The following NDUFAF2 variants were observed in gnomAD, a reference collection of about 807,000 sequenced individuals.
The protein encoded by NDUFAF2 is NADH dehydrogenase [ubiquinone] 1 alpha subcomplex assembly factor 2.
In NDUFAF2, 13 loss-of-function variants were observed where a neutral mutation model predicts 22.8. The ratio of observed to expected loss-of-function variants is 0.57; its 90% CI spans 0.37 to 0.91. NDUFAF2 has a LOEUF of 0.91. Among genes scored for constraint, NDUFAF2 ranks in the 40% least tolerant of loss-of-function variants. The probability of loss-of-function intolerance (pLI) is 0.01; values close to 1 mark genes in which losing one functional copy is unlikely to be tolerated. For missense variants in NDUFAF2, 162 were observed against 195.2 expected (o/e 0.83, Z 1.01); for synonymous variants, 53 against 64.2 (o/e 0.83, Z 0.84).
At chr5:61,039,143 CAAAAA>C (rs36065069) in intron 1 of NDUFAF2, among the ~76,000 whole-genome samples, 1 of 82,524 alleles carries the variant, frequency 1.2e-5, no homozygotes, top group Non-Finnish European at 2.4e-5. Context: ...GCTGACAGGC[CAAAAA>C]AAAAAAAAAA....
At chr5:61,134,186 C>A (rs1753146403) in intron 3 of NDUFAF2, among the ~76,000 whole-genome samples, 1 of 151,816 alleles carries the variant, frequency 6.6e-6, no homozygotes, top group Admixed American at 6.6e-5. Flanking sequence ...GTTGATAGTA[C>A]CTTTTATGTA....
chr5:61,011,238 A>G (rs1751439177), intron 1 of NDUFAF2, among the ~76,000 whole-genome samples: 1 of 152,132 alleles, frequency 6.6e-6, no homozygotes, highest in Non-Finnish European at 1.5e-5. Flanking sequence ...GTTAGGAGGC[A>G]GAGCTCTCCC....
At chr5:60,958,059 A>G (rs917202405) in intron 1 of NDUFAF2, among the ~76,000 whole-genome samples, 1 of 152,132 alleles carries the variant, frequency 6.6e-6, no homozygotes, top group Non-Finnish European at 1.5e-5. Flanking sequence ...GGAAAACTAT[A>G]TTGATTCTTT....
chr5:60,988,273 T>TA (rs1244885868), intron 1 of NDUFAF2, among the ~76,000 whole-genome samples: 4 of 152,072 alleles, frequency 2.6e-5, no homozygotes, highest in Admixed American at 2.6e-4. Flanking sequence ...TCAAAGAAAT[T>TA]AGAGATGATA....
intron 3 of NDUFAF2, among the ~76,000 whole-genome samples, chr5:61,147,221 T>C (rs1741152205): frequency 6.6e-6 from 1 of 151,838 alleles, no homozygotes; most frequent in South Asian, 2.1e-4. Context: ...GGAGGGCCAT[T>C]AATTGACATG....
intron 1 of NDUFAF2, among the ~76,000 whole-genome samples, chr5:61,058,589 C>A (rs2111711024): frequency 6.6e-6 from 1 of 152,044 alleles, no homozygotes; most frequent in South Asian, 2.1e-4. Flanking sequence ...AAAAAATTTT[C>A]ATCCCCGCCT....
chr5:61,141,090 G>T (rs1161227716), intron 3 of NDUFAF2, among the ~76,000 whole-genome samples: 1 of 152,042 alleles, frequency 6.6e-6, no homozygotes, highest in African/African-American at 2.4e-5. Flanking sequence ...AGCCGGACGT[G>T]GTGGCACATG....
At chr5:61,020,545 TTA>T (rs1369373202) in intron 1 of NDUFAF2, among the ~76,000 whole-genome samples, 2 of 114,236 alleles carry the variant, frequency 1.8e-5, no homozygotes, top group Non-Finnish European at 3.8e-5. Context: ...GTGGGTTTTG[TTA>T]TGTGTGTGTG....
chr5:61,024,278 C>A (rs970897890), intron 1 of NDUFAF2, among the ~76,000 whole-genome samples: 1 of 151,916 alleles, frequency 6.6e-6, no homozygotes, highest in African/African-American at 2.4e-5. Context: ...TCTTTTCCCT[C>A]CAGTGCGTTT....
At chr5:61,097,909 A>G (rs1160839834) in intron 2 of NDUFAF2, among the ~76,000 whole-genome samples, 2 of 152,162 alleles carry the variant, frequency 1.3e-5, no homozygotes, top group Non-Finnish European at 2.9e-5. Flanking sequence ...AATTCATTTT[A>G]TTTCTATTTC....
intron 3 of NDUFAF2, chr5:61,115,072 G>A (rs11744226): frequency 0.11 from 16,211 of 152,238 alleles, 1,078 homozygotes; most frequent in South Asian, 0.22. Context: ...AGAACCTTAG[G>A]AATCTATCTG....
chr5:61,104,014 C>T (rs983400777), intron 3 of NDUFAF2, among the ~76,000 whole-genome samples: 11 of 152,050 alleles, frequency 7.2e-5, no homozygotes, highest in East Asian at 1.9e-4. Context: ...CTAATGTAAG[C>T]GTTCTGAGCA....
At chr5:61,012,040 T>C (rs1251427879) in intron 1 of NDUFAF2, among the ~76,000 whole-genome samples, 1 of 152,192 alleles carries the variant, frequency 6.6e-6, no homozygotes, top group Non-Finnish European at 1.5e-5. Context: ...AATTAACGTC[T>C]TTAAAGCTTT....
Position 61,018,416 on chromosome 5 carries a change from A to G in NDUFAF2, c.128-54709A>G, listed in dbSNP as rs920494977. 2.0e-5 allele frequency among the ~76,000 whole-genome samples: 3 copies of G among 152,336 alleles called. No individual in the cohort carries two copies. In the South Asian group the frequency reaches 6.2e-4, roughly 32 times the overall value. On this transcript the variant is annotated intron_variant, in intron 1 of 3. Coordinates refer to ENST00000296597, the MANE Select transcript of NDUFAF2 (RefSeq NM_174889.5). ...TCATTATATTCTGAATTTCACAAAA[A>G]TTAAGGAAACAGTCTTCCAATATTC... is the stretch of plus-strand genomic sequence containing the variant.
chr5:61,103,842 T>C (rs1561565893), intron 3 of NDUFAF2, among the ~76,000 whole-genome samples: 2 of 152,110 alleles, frequency 1.3e-5, no homozygotes, highest in Non-Finnish European at 2.9e-5. Flanking sequence ...AACTTCATGA[T>C]GGTGAAAAAG....
intron 1 of NDUFAF2, among the ~76,000 whole-genome samples, chr5:61,032,022 C>G (rs1315335498): frequency 2.0e-5 from 3 of 152,126 alleles, no homozygotes; most frequent in Non-Finnish European, 4.4e-5. Context: ...GCATAAATGT[C>G]TTCTTTTGAG....
At chr5:61,029,705 GTTGT>G (rs1221159095) in intron 1 of NDUFAF2, among the ~76,000 whole-genome samples, 2 of 152,140 alleles carry the variant, frequency 1.3e-5, no homozygotes, top group Non-Finnish European at 2.9e-5. Context: ...AAGGCGAAAA[GTTGT>G]TTGTCATCTG....
At chr5:60,997,533 T>C (rs189853827) in intron 1 of NDUFAF2, among the ~76,000 whole-genome samples, 2 of 152,344 alleles carry the variant, frequency 1.3e-5, no homozygotes, top group East Asian at 3.9e-4. Context: ...TTGAGCTCTC[T>C]TTGTATAACA....
chr5:60,989,541 A>G (rs778417644), intron 1 of NDUFAF2, among the ~76,000 whole-genome samples: 4 of 152,210 alleles, frequency 2.6e-5, no homozygotes, highest in Non-Finnish European at 5.9e-5. Flanking sequence ...AATGGAGTGT[A>G]TATACACCAT....
Sources: allele counts gnomAD v4.1 joint callset (sites outside exome capture counted in the v4.1 genomes callset), GRCh38; gene constraint gnomAD v4.1.1; transcripts MANE v1.5; gene names NCBI Gene and HGNC (gene_info 2026-07-23, HGNC 2026-07-21).